Variants in CSGALNACT1 observed in about 807,000 individuals in gnomAD.
CSGALNACT1 encodes the protein beta4GalNAcT-1.
In CSGALNACT1, 52 loss-of-function variants were observed where a neutral mutation model predicts 51.0. The observed-to-expected ratio is 1.02, with a 90% CI of 0.82 to 1.29. The LOEUF (loss-of-function observed/expected upper bound fraction) is 1.29, where lower values mean the gene tolerates loss of function less well. CSGALNACT1 is among the 50% of genes most tolerant of loss of function. CSGALNACT1 has a pLI of 0.00. For missense variants in CSGALNACT1, 935 were observed against 679.2 expected (o/e 1.38, Z -4.19); for synonymous variants, 341 against 254.4 (o/e 1.34, Z -3.24).
At chr8:19,536,855 C>T (rs954014544) in intron 3 of CSGALNACT1, among the ~76,000 whole-genome samples, 1 of 152,178 alleles carries the variant, frequency 6.6e-6, no homozygotes, top group Non-Finnish European at 1.5e-5. Context: ...GAAATAGGTA[C>T]AACTGCTACG....
chr8:19,755,091 C>A lies in CSGALNACT1; in HGVS notation c.-297+2759G>T, dbSNP rs574678438. Among the ~76,000 whole-genome samples the A allele has an allele frequency of 7.8e-4, 119 of 152,330 alleles. 1 individual carries two copies. Among genetic ancestry groups the A allele is most frequent in the African/African-American group, 2.8e-3 (116 of 41,570 alleles). The stretch of plus-strand genomic sequence containing the variant: ...TTTAGTCCTTATGCCCTGCCAGGCA[C>A]TGTGTTAGACATGGAGGAAAGAGGA... On this transcript the variant is annotated intron_variant, in intron 1 of 1. Coordinates refer to the CSGALNACT1 transcript ENST00000517494.
At chr8:19,483,324 T>C (rs552622999) in intron 4 of CSGALNACT1, among the ~76,000 whole-genome samples, 1 of 152,380 alleles carries the variant, frequency 6.6e-6, no homozygotes, top group South Asian at 2.1e-4. Flanking sequence ...CCCAAAGGCA[T>C]GTGAAGTTAA....
chr8:19,520,391 G>A (rs1184684457), intron 3 of CSGALNACT1, among the ~76,000 whole-genome samples: 1 of 152,204 alleles, frequency 6.6e-6, no homozygotes, highest in Non-Finnish European at 1.5e-5. Context: ...AGATAATATT[G>A]CAGACAATAT....
chr8:19,548,426 C>A (rs924580683), intron 3 of CSGALNACT1, among the ~76,000 whole-genome samples: 1 of 152,046 alleles, frequency 6.6e-6, no homozygotes, highest in Non-Finnish European at 1.5e-5. Flanking sequence ...TCAATATATT[C>A]CAAAAACTCA....
intron 6 of CSGALNACT1, among the ~76,000 whole-genome samples, chr8:19,425,706 A>G (rs1436815512): frequency 6.6e-6 from 1 of 152,270 alleles, no homozygotes; most frequent in East Asian, 1.9e-4. Flanking sequence ...GTGCATCCTC[A>G]ACCTCGGCTA....
intron 1 of CSGALNACT1, among the ~76,000 whole-genome samples, chr8:19,612,701 A>G (rs2052435970): frequency 6.6e-6 from 1 of 151,990 alleles, no homozygotes; most frequent in African/African-American, 2.4e-5. Flanking sequence ...AGATGATCCA[A>G]AGTCCTACTA....
At chr8:19,464,593 C>G (rs934931675) in intron 4 of CSGALNACT1, among the ~76,000 whole-genome samples, 7 of 152,010 alleles carry the variant, frequency 4.6e-5, no homozygotes, top group African/African-American at 1.7e-4. Flanking sequence ...ACTGTGCTGC[C>G]GAGAAGGAGG....
chr8:19,420,484 G>C, exon 7 of CSGALNACT1: 1 of 1,614,156 alleles, frequency 6.2e-7, no homozygotes, highest in Non-Finnish European at 8.5e-7. Context: ...TCTCCATTCA[G>C]CTGGATGAAG....
chr8:19,633,667 C>T (rs1041601344), intron 1 of CSGALNACT1, among the ~76,000 whole-genome samples: 1 of 152,170 alleles, frequency 6.6e-6, no homozygotes, highest in African/African-American at 2.4e-5. Context: ...GGGAGAATTG[C>T]CCTCCAGACT....
intron 4 of CSGALNACT1, among the ~76,000 whole-genome samples, chr8:19,477,506 T>C (rs1213721358): frequency 6.6e-6 from 1 of 152,230 alleles, no homozygotes; most frequent in Non-Finnish European, 1.5e-5. Context: ...TAGTTATCTT[T>C]AATTTAACTT....
upstream of CSGALNACT1, among the ~76,000 whole-genome samples, chr8:19,607,032 G>A (rs561576317): frequency 6.6e-6 from 1 of 152,152 alleles, no homozygotes; most frequent in South Asian, 2.1e-4. Flanking sequence ...GCAGGCGCCT[G>A]TAGTCCCAGC....
At chr8:19,423,149 A>C (rs1345770299) in intron 6 of CSGALNACT1, among the ~76,000 whole-genome samples, 1 of 152,220 alleles carries the variant, frequency 6.6e-6, no homozygotes, top group East Asian at 1.9e-4. Context: ...GAACAACAGC[A>C]AGTGACTTTT....
At chr8:19,694,233 A>AC (rs1415938346) in intron 1 of CSGALNACT1, among the ~76,000 whole-genome samples, 2 of 152,212 alleles carry the variant, frequency 1.3e-5, no homozygotes, top group Non-Finnish European at 2.9e-5. Flanking sequence ...CAACAGATGT[A>AC]CAAACTAAAG....
intron 1 of CSGALNACT1, among the ~76,000 whole-genome samples, chr8:19,727,163 T>A (rs2063445294): frequency 1.3e-5 from 2 of 151,996 alleles, no homozygotes; most frequent in South Asian, 4.2e-4. Context: ...GAGATGTGAT[T>A]CCCCAAAAGG....
intron 1 of CSGALNACT1, among the ~76,000 whole-genome samples, chr8:19,696,787 G>C (rs973270561): frequency 2.6e-5 from 4 of 152,172 alleles, no homozygotes; most frequent in Non-Finnish European, 5.9e-5. Context: ...CGGTACACAG[G>C]AACCACACAC....
chr8:19,611,886 G>A (rs2052318056), intron 1 of CSGALNACT1, among the ~76,000 whole-genome samples: 1 of 151,964 alleles, frequency 6.6e-6, no homozygotes, highest in Non-Finnish European at 1.5e-5. Flanking sequence ...CCTCACTGAT[G>A]ACTGTAAACG....
intron 1 of CSGALNACT1, among the ~76,000 whole-genome samples, chr8:19,677,299 C>G (rs1314852808): frequency 2.6e-5 from 4 of 152,134 alleles, no homozygotes; most frequent in Admixed American, 6.5e-5. Flanking sequence ...TTTACAGAGA[C>G]AGCATTTTGC....
At chr8:19,510,058 T>G (rs1037105518) in intron 3 of CSGALNACT1, among the ~76,000 whole-genome samples, 3 of 152,172 alleles carry the variant, frequency 2.0e-5, no homozygotes, top group Non-Finnish European at 4.4e-5. Context: ...TTTTTGTTTT[T>G]TTAATTGTAG....
At chr8:19,593,535 C>T (rs1315534322) in intron 2 of CSGALNACT1, among the ~76,000 whole-genome samples, 2 of 152,170 alleles carry the variant, frequency 1.3e-5, no homozygotes, top group African/African-American at 4.8e-5. Flanking sequence ...GGGCCATCTG[C>T]AGGTTCTAGA....
Sources: gnomAD v4.1 joint callset for allele counts (sites outside exome capture counted in the v4.1 genomes callset) on GRCh38, gnomAD v4.1.1 for gene constraint, MANE v1.5 for transcripts, NCBI Gene and HGNC (gene_info 2026-07-23, HGNC 2026-07-21) for gene names.